Variants in L3MBTL4 observed in about 807,000 individuals in gnomAD.
L3MBTL4 encodes L3MBTL histone methyl-lysine binding protein 4, also known as lethal(3)malignant brain tumor-like protein 4.
Under a neutral mutation model 84.5 loss-of-function variants are expected in L3MBTL4, and 70 were observed. That is an observed-to-expected ratio of 0.83 (90% CI 0.68 to 1.01). The LOEUF (loss-of-function observed/expected upper bound fraction) is 1.01. Among genes scored for constraint, L3MBTL4 ranks in the 50% least tolerant of loss-of-function variants. The probability of loss-of-function intolerance (pLI) is 0.00; values close to 1 mark genes in which losing one functional copy is unlikely to be tolerated. For missense variants in L3MBTL4, 715 were observed against 754.8 expected (o/e 0.95, Z 0.62); for synonymous variants, 274 against 259.8 (o/e 1.05, Z -0.52).
In L3MBTL4 at chr18:6,144,953, A is replaced by C. The variant is rs111588926; in HGVS notation, c.1097-6657T>G. ...ACACTGCCATCCTTGGACCTGTTAC[A>C]CCAGTGATCTGTCATGCAAGAATGA... On this transcript the variant is annotated intron_variant, in intron 13 of 18. Transcript: ENST00000317931. Among the ~76,000 whole-genome samples, 263 of 152,332 alleles carry C rather than the reference A, an allele frequency of 1.7e-3. 1 individual carries two copies. The highest frequency in any genetic ancestry group is 6.2e-3 in the African/African-American group (256 of 41,578).
At chr18:6,214,465 A>G (rs913748288) in intron 11 of L3MBTL4, among the ~76,000 whole-genome samples, 4 of 152,238 alleles carry the variant, frequency 2.6e-5, no homozygotes, top group Admixed American at 1.3e-4. Context: ...TATTACACAT[A>G]AAAGTGTTCA....
At chr18:5,984,651 C>G (rs2053389830) in intron 16 of L3MBTL4, among the ~76,000 whole-genome samples, 1 of 152,138 alleles carries the variant, frequency 6.6e-6, no homozygotes, top group South Asian at 2.1e-4. Flanking sequence ...CCCCTTCCCC[C>G]ACCTTGATAC....
chr18:6,151,909 G>T (rs1169598459), intron 13 of L3MBTL4, among the ~76,000 whole-genome samples: 2 of 152,042 alleles, frequency 1.3e-5, no homozygotes, highest in African/African-American at 4.8e-5. Context: ...CTCAGCCCCT[G>T]GTAAACATCA....
Position 5,969,414 on chromosome 18 carries a change from C to T in L3MBTL4, c.1593G>A (p.Val531=). 6.2e-7 allele frequency: 1 copy of T among 1,614,014 alleles called. No homozygotes were observed. The highest frequency in any genetic ancestry group is 2.2e-5 in the East Asian group (1 of 44,868). The change falls in exon 17 of 19, where the codon GTG becomes GTA. Residue 531 remains valine (V), a synonymous_variant. Transcript: ENST00000317931. ...TCACCTCATCCACAGTCCAACGTGCCACTTGGCTGGCCCGGATGTCAGCCA... is the reference window on the plus strand; with the variant it reads ...TCACCTCATCCACAGTCCAACGTGCTACTTGGCTGGCCCGGATGTCAGCCA... The part of the protein sequence containing the change: ...PGVADIRASQ[V]ARWTVDEVAE...
intron 4 of L3MBTL4, among the ~76,000 whole-genome samples, chr18:6,280,130 TC>T (rs2049263388): frequency 6.6e-6 from 1 of 152,174 alleles, no homozygotes; most frequent in African/African-American, 2.4e-5. Flanking sequence ...AAATTTAAAA[TC>T]CGTAAAGGAA....
chr18:5,966,613 T>C (rs1177527938), intron 17 of L3MBTL4, among the ~76,000 whole-genome samples: 2 of 152,184 alleles, frequency 1.3e-5, no homozygotes, highest in African/African-American at 4.8e-5. Context: ...CCATCTTGAG[T>C]TTATGTCCAC....
chr18:5,985,847 G>A (rs2053441067), intron 16 of L3MBTL4, among the ~76,000 whole-genome samples: 1 of 152,126 alleles, frequency 6.6e-6, no homozygotes, highest in African/African-American at 2.4e-5. Flanking sequence ...AGTGAGGGAT[G>A]GGGATGATGC....
At chr18:6,404,732 G>C (rs2055652736) in intron 1 of L3MBTL4, among the ~76,000 whole-genome samples, 1 of 148,050 alleles carries the variant, frequency 6.8e-6, no homozygotes, top group Non-Finnish European at 1.5e-5. Flanking sequence ...TGTCACCTAG[G>C]CTGGAGTGAA....
At position 6,252,352 on chromosome 18, in the gene L3MBTL4, G is replaced by A. The variant is rs187082209; in HGVS notation, c.220-7764C>T. Among the ~76,000 whole-genome samples, 384 of 152,234 alleles carry A rather than the reference G, an allele frequency of 2.5e-3. 1 individual carries two copies. The highest frequency in any genetic ancestry group is 8.7e-3 in the African/African-American group (360 of 41,504). ...AGCAAGACACATCACTGCATCTGCC[G>A]AGGCAGAATGACAGCCATAATCAAT... is the stretch of plus-strand genomic sequence containing the variant. On this transcript the variant is annotated intron_variant, in intron 5 of 18. Coordinates refer to ENST00000317931, the MANE Select transcript of L3MBTL4 (RefSeq NM_001330559.2).
In L3MBTL4 at chr18:6,074,081, TTTG is replaced by T. The variant is rs201479473; in HGVS notation, c.1444+6797_1444+6799del. 2.6e-3 allele frequency among the ~76,000 whole-genome samples: 392 copies of T among 152,258 alleles called. 2 individuals are homozygous for T. The highest frequency in any genetic ancestry group is 8.6e-3 in the African/African-American group (357 of 41,532). On this transcript the variant is annotated intron_variant, in intron 16 of 18. Transcript: ENST00000317931. ...TTTTTTTGTTTGTTTGTTTTGTTTT[TTTG>T]TTTGTTTTTTGCCAGCATCACTTTC...
chr18:6,080,697 T>A (rs1829727050), intron 16 of L3MBTL4, among the ~76,000 whole-genome samples, 184 bp downstream of exon 16: 1 of 152,122 alleles, frequency 6.6e-6, no homozygotes, highest in Non-Finnish European at 1.5e-5. Flanking sequence ...AAAATGAAGG[T>A]TTGAGTAGTG....
intron 16 of L3MBTL4, among the ~76,000 whole-genome samples, chr18:5,985,654 A>C (rs2053432866): frequency 6.6e-6 from 1 of 152,196 alleles, no homozygotes; most frequent in Admixed American, 6.5e-5. Context: ...CTTAACAAAT[A>C]GGCAAAAAAT....
intron 16 of L3MBTL4, among the ~76,000 whole-genome samples, chr18:5,996,128 T>C (rs2053952182): frequency 6.6e-6 from 1 of 152,260 alleles, no homozygotes; most frequent in Non-Finnish European, 1.5e-5. Context: ...TATTTCCATT[T>C]ACAAAATATA....
At chr18:6,238,299 C>T (rs1458459424) in intron 9 of L3MBTL4, among the ~76,000 whole-genome samples, 2 of 152,224 alleles carry the variant, frequency 1.3e-5, no homozygotes, top group Non-Finnish European at 1.5e-5. Flanking sequence ...TTCGGGAGGC[C>T]GAGACAGGCG....
At chr18:6,024,388 T>C (rs981480910) in intron 16 of L3MBTL4, among the ~76,000 whole-genome samples, 1 of 152,250 alleles carries the variant, frequency 6.6e-6, no homozygotes, top group Non-Finnish European at 1.5e-5. Context: ...GGAGCCCATC[T>C]TTTGCAGCTA....
intron 13 of L3MBTL4, among the ~76,000 whole-genome samples, chr18:6,138,623 C>T (rs1011728231): frequency 3.3e-5 from 5 of 152,176 alleles, no homozygotes; most frequent in Non-Finnish European, 7.4e-5. Context: ...CGCATCTCGG[C>T]TCACTGCAAC....
chr18:6,033,024 G>C (rs634212), intron 16 of L3MBTL4, among the ~76,000 whole-genome samples: 29,039 of 152,062 alleles, frequency 0.19, 3,084 homozygotes, highest in East Asian at 0.48. Flanking sequence ...TGTATGTATC[G>C]GTTAGATAGC....
intron 1 of L3MBTL4, among the ~76,000 whole-genome samples, chr18:6,357,716 T>C (rs1050693736): frequency 6.6e-6 from 1 of 152,180 alleles, no homozygotes; most frequent in Non-Finnish European, 1.5e-5. Context: ...TCAAACCATA[T>C]GCATATACGA....
chr18:6,088,952 G>A (rs72874041), intron 15 of L3MBTL4, among the ~76,000 whole-genome samples: 7,205 of 152,200 alleles, frequency 0.047, 209 homozygotes, highest in South Asian at 0.1. Context: ...AAAACAAAGT[G>A]AGCTTTATTA....
Sources: gnomAD v4.1 joint callset for allele counts (sites outside exome capture counted in the v4.1 genomes callset) on GRCh38, gnomAD v4.1.1 for gene constraint, MANE v1.5 for transcripts, NCBI Gene and HGNC (gene_info 2026-07-23, HGNC 2026-07-21) for gene names.